Variants in BTBD18 observed in about 807,000 individuals in gnomAD.
The protein encoded by BTBD18 is BTB/POZ domain-containing protein 18.
For synonymous variants in BTBD18, 311 were observed against 324.4 expected, an observed-to-expected ratio of 0.96 and a Z score of 0.44; for missense variants, 787 against 846.3, an observed-to-expected ratio of 0.93 and a Z score of 0.87.
At chr11:57,748,938 T>A (rs1949245015) in intron 2 of BTBD18, among the ~76,000 whole-genome samples, 1 of 152,208 alleles carries the variant, frequency 6.6e-6, no homozygotes, top group Non-Finnish European at 1.5e-5. Context: ...CAATACATGT[T>A]TTATAGTCTG....
At position 57,749,570 on chromosome 11, in the gene BTBD18, G is replaced by A. The variant is rs547317461; in HGVS notation, c.124+1495C>T. Among the ~76,000 whole-genome samples, 11 of 151,968 alleles carry A rather than the reference G, an allele frequency of 7.2e-5. No homozygotes were observed. The South Asian group carries it at 2.3e-3, about 32-fold the overall frequency. On this transcript the variant is annotated intron_variant, in intron 2 of 2. Transcript: ENST00000422652. ...TCAAGACCAGCCTGGCCAACATGGT[G>A]AAACCCGGTCTCTACTAAAAAATAC...
chr11:57,749,706 C>T (rs557591199), intron 2 of BTBD18, among the ~76,000 whole-genome samples: 12 of 136,522 alleles, frequency 8.8e-5, no homozygotes, highest in African/African-American at 3.0e-4. Context: ...GCTGAGACCG[C>T]GCAATTGCAC....
At position 57,751,707 on chromosome 11, in the gene BTBD18, A is replaced by G. The variant is rs2135705214; in HGVS notation, c.-215T>C. 1 of 152,344 alleles carries G rather than the reference A, an allele frequency of 6.6e-6. No homozygotes were observed. Among genetic ancestry groups the G allele is most frequent in the South Asian group, 2.1e-4 (1 of 4,822 alleles). The allele number at this position is 152,344 out of a possible 1,614,324, so 9.4% of individuals were successfully genotyped here. Reference sequence around the variant, plus strand: ...AGACTCAACTGCTACAATGCTGACTACTTATATTCTTCCTGAGCACCACAT... The same window carrying G: ...AGACTCAACTGCTACAATGCTGACTGCTTATATTCTTCCTGAGCACCACAT... On this transcript the variant is annotated 5_prime_UTR_variant, in exon 1 of 3. Coordinates refer to ENST00000422652, the MANE Select transcript of BTBD18 (RefSeq NM_001145101.3).
chr11:57,752,123 C>T (rs945281057), upstream of BTBD18, among the ~76,000 whole-genome samples: 40 of 152,218 alleles, frequency 2.6e-4, no homozygotes, highest in Admixed American at 3.3e-4. Context: ...GAAACCCCCC[C>T]ACTCACTGCA....
chr11:57,744,856 G>A lies in BTBD18; in HGVS notation c.1417C>T (p.Leu473=). 6.4e-7 allele frequency: 1 copy of A among 1,551,772 alleles called. No individual in the cohort carries two copies. The highest frequency in any genetic ancestry group is 8.7e-7 in the Non-Finnish European group (1 of 1,147,004). The change falls in exon 3 of 3, where the codon CTG becomes TTG. Residue 473 remains leucine (L), a synonymous_variant. Coordinates refer to ENST00000422652, the MANE Select transcript of BTBD18 (RefSeq NM_001145101.3). The part of the protein sequence containing the change: ...CREPYAFDTA[L]LEQPCEAEEY... ...TCAGCCTCACAGGGCTGCTCCAGCA[G>A]AGCTGTGTCAAATGCATAGGGTTCT...
chr11:57,752,977 C>T (rs1949346202), upstream of BTBD18, among the ~76,000 whole-genome samples: 5 of 152,252 alleles, frequency 3.3e-5, no homozygotes. Flanking sequence ...GTCAGGACTT[C>T]CCGTCACGGC....
rs1308018787 is a variant in BTBD18, at chr11:57,744,505, G to A, written c.1768C>T (p.Arg590Cys). ...GTAATTTCAAGGTCTGGTGTCCAAC[G>A]GCCTCCTACTGAAAGCACTTCACTC... is the stretch of plus-strand genomic sequence containing the variant. ...EVSEVLSVGG[R>C]WTPDLEITSS... Residue 590 changes from arginine (R) to cysteine (C), a missense_variant, in exon 3 of 3, where the codon CGT becomes TGT. Coordinates refer to ENST00000422652, the MANE Select transcript of BTBD18 (RefSeq NM_001145101.3). 10 of 1,551,560 alleles carry A rather than the reference G, an allele frequency of 6.4e-6. No homozygotes were observed. The highest frequency in any genetic ancestry group is 1.7e-4 in the Middle Eastern group (1 of 5,990).
Position 57,746,085 on chromosome 11 carries a change from A to G in BTBD18, c.188T>C (p.Leu63Pro). ...ACCCTGAGCTGGCCTCTCCCGCTCC[A>G]GGCGCTCTGTGAAGAAGGGGCTACA... ...SACSPFFTERLERERPAQGGK... is the reference protein window; with the variant it reads ...SACSPFFTERPERERPAQGGK... The change falls in exon 3 of 3, where the codon CTG becomes CCG. Residue 63 changes from leucine to proline, a missense_variant. Transcript: ENST00000422652. The G allele has an allele frequency of 6.4e-7, 1 of 1,551,546 alleles. No individual in the cohort carries two copies. Among genetic ancestry groups the G allele is most frequent in the Non-Finnish European group, 8.7e-7 (1 of 1,146,940 alleles).
At position 57,744,353 on chromosome 11, in the gene BTBD18, G is replaced by A; in HGVS notation, c.1920C>T (p.Val640=). The change falls in exon 3 of 3, where the codon GTC becomes GTT. Residue 640 remains valine, a synonymous_variant. Coordinates refer to ENST00000422652, the MANE Select transcript of BTBD18 (RefSeq NM_001145101.3). Reference sequence around the variant, plus strand: ...ATAATAACTCATCTGTAGTCAAGGAGACTTCCAGCCCAGTCTCCACCCAGT... The same window carrying A: ...ATAATAACTCATCTGTAGTCAAGGAAACTTCCAGCCCAGTCTCCACCCAGT... The part of the protein sequence containing the change: ...CSNWVETGLE[V]SLTTDELLYP... 6.4e-7 allele frequency: 1 copy of A among 1,551,680 alleles called. No homozygotes were observed. Among genetic ancestry groups the A allele is most frequent in the South Asian group, 1.2e-5 (1 of 84,058 alleles).
At chr11:57,751,315 G>A in intron 1 of BTBD18, 79 bp from the exon 2 acceptor site, 1 of 689,312 alleles carries the variant, frequency 1.5e-6, no homozygotes, top group Non-Finnish European at 2.2e-6. Context: ...GGGGAATTTT[G>A]AAAGTGAGAG....
At chr11:57,747,545 C>G (rs1949219800) in intron 2 of BTBD18, among the ~76,000 whole-genome samples, 2 of 152,128 alleles carry the variant, frequency 1.3e-5, no homozygotes, top group Admixed American at 1.3e-4. Flanking sequence ...GGCGGAGTCT[C>G]ACTCTGTGGC....
chr11:57,746,168 C>T lies in BTBD18; in HGVS notation c.125-20G>A. The T allele has an allele frequency of 6.6e-7, 1 of 1,513,432 alleles. No individual in the cohort carries two copies. Among genetic ancestry groups the T allele is most frequent in the Middle Eastern group, 1.7e-4 (1 of 5,746 alleles). The allele number at this position is 1,513,432 out of a possible 1,614,324, so 93.8% of individuals were successfully genotyped here. A position where few individuals can be genotyped will look rare whatever the true frequency, so the allele number is the denominator to read the frequency against. On this transcript the variant is annotated intron_variant, in intron 2 of 2. Coordinates refer to ENST00000422652, the MANE Select transcript of BTBD18 (RefSeq NM_001145101.3). ...CCTCACCTGAAGGGAAACCCAAATACTTTTGTTATCAGGTAGACTGGCATG... is the reference window on the plus strand; with the variant it reads ...CCTCACCTGAAGGGAAACCCAAATATTTTTGTTATCAGGTAGACTGGCATG...
chr11:57,744,469 G>A lies in BTBD18; in HGVS notation c.1804C>T (p.Pro602Ser). ...AGTTTGTCTTCCTGACCATCCAGTG[G>A]CTGGGAGCTGGTAATTTCAAGGTCT... is the stretch of plus-strand genomic sequence containing the variant. ...TPDLEITSSQPLDGQEDKLLH... is the reference protein window; with the variant it reads ...TPDLEITSSQSLDGQEDKLLH... The change falls in exon 3 of 3, where the codon CCA becomes TCA. Residue 602 changes from proline to serine, a missense_variant. Pro to Ser is a moderately conservative substitution (Grantham distance 74, BLOSUM62 -1). Transcript: ENST00000422652. 1 of 1,551,668 alleles carries A rather than the reference G, an allele frequency of 6.4e-7. No homozygotes were observed. Among genetic ancestry groups the A allele is most frequent in the Non-Finnish European group, 8.7e-7 (1 of 1,146,992 alleles).
chr11:57,746,209 T>C (rs1590994733), intron 2 of BTBD18, 61 bp from the exon 3 acceptor site: 16 of 1,294,240 alleles, frequency 1.2e-5, no homozygotes, highest in Admixed American at 2.7e-5. Context: ...GGGCTAAGCA[T>C]AGACATTACT....
Position 57,745,141 on chromosome 11 carries a change from T to G in BTBD18, c.1132A>C (p.Lys378Gln), listed in dbSNP as rs1185162672. The G allele has an allele frequency of 1.3e-6, 2 of 1,551,706 alleles. No individual in the cohort carries two copies. Among genetic ancestry groups the G allele is most frequent in the Non-Finnish European group, 1.7e-6 (2 of 1,146,988 alleles). The change falls in exon 3 of 3, where the codon AAA becomes CAA. Residue 378 changes from lysine to glutamine, a missense_variant. Physicochemically the swap from Lys to Gln is moderately conservative, Grantham distance 53 (BLOSUM62 1). Transcript: ENST00000422652. The stretch of plus-strand genomic sequence containing the variant: ...ATCTGGGGGCTATCTTGAGTGTTTT[T>G]GAGAGGAGTCTCTTGTACCACTTCC... ...CWEVVQETPLKNTQDSPQIPD... is the reference protein window; with the variant it reads ...CWEVVQETPLQNTQDSPQIPD...
rs1247582592 is a variant in BTBD18 at position 57,745,610 on chromosome 11, GTTT to G, written c.660_662del (p.Lys220del). 4 of 1,551,486 alleles carry G rather than the reference GTTT, an allele frequency of 2.6e-6. No homozygotes were observed. The highest frequency in any genetic ancestry group is 2.0e-5 in the Admixed American group (1 of 50,972). ...CTTGACTATGGCTTGATGGTGAAGA[GTTT>G]TTTTCTTGTGGAGTTGGGCAGGCTC... On this transcript the variant is annotated inframe_deletion, in exon 3 of 3. Transcript: ENST00000422652.
rs1206812883 is a variant in BTBD18, at chr11:57,745,821, G to A, written c.452C>T (p.Pro151Leu). The A allele has an allele frequency of 6.4e-7, 1 of 1,551,634 alleles. No homozygotes were observed. The highest frequency in any genetic ancestry group is 2.0e-5 in the Admixed American group (1 of 50,986). The change falls in exon 3 of 3, where the codon CCA becomes CTA. Residue 151 changes from proline to leucine, a missense_variant. Physicochemically the swap from Pro to Leu is moderately conservative, Grantham distance 98. Coordinates refer to ENST00000422652, the MANE Select transcript of BTBD18 (RefSeq NM_001145101.3). ...RECLQPTSAAPISARVVTPSH... is the reference protein window; with the variant it reads ...RECLQPTSAALISARVVTPSH... ...GGGTGTCACCACTCTGGCAGAGATT[G>A]GTGCAGCACTTGTTGGTTGTAAGCA...
At chr11:57,747,002 C>T (rs889767768) in intron 2 of BTBD18, among the ~76,000 whole-genome samples, 1 of 152,136 alleles carries the variant, frequency 6.6e-6, no homozygotes, top group Admixed American at 6.5e-5. Flanking sequence ...GTGCCTGACA[C>T]AAAATAAAGG....
At chr11:57,749,390 C>T (rs1047486145) in intron 2 of BTBD18, among the ~76,000 whole-genome samples, 6 of 152,112 alleles carry the variant, frequency 3.9e-5, no homozygotes, top group Non-Finnish European at 8.8e-5. Flanking sequence ...AACTGTAGTC[C>T]TCAACTCATT....
Sources: gnomAD v4.1 joint callset for allele counts (sites outside exome capture counted in the v4.1 genomes callset) on GRCh38, gnomAD v4.1.1 for gene constraint, MANE v1.5 for transcripts, NCBI Gene and HGNC (gene_info 2026-07-23, HGNC 2026-07-21) for gene names.